Variants in MED12L observed in about 807,000 individuals in gnomAD.
MED12L encodes the protein mediator of RNA polymerase II transcription subunit 12-like protein.
MED12L carries 60 observed loss-of-function variants against 281.3 expected under a neutral mutation model. The ratio of observed to expected loss-of-function variants is 0.21; its 90% confidence interval spans 0.17 to 0.26. The LOEUF is 0.26. Among genes scored for constraint, MED12L ranks in the 10% least tolerant of loss-of-function variants. The pLI, the probability that MED12L is intolerant of heterozygous loss-of-function variation, is 1.00. For synonymous variants in MED12L, 974 were observed against 987.2 expected (o/e 0.99, Z 0.25); for missense variants, 2,146 against 2,680.9 (o/e 0.80, Z 4.41).
rs927370539 is a variant in MED12L at position 151,382,838 on chromosome 3, A to C, written c.4680+93A>C. The C allele has an allele frequency of 4.1e-6, 4 of 967,372 alleles. No individual in the cohort carries two copies. The African/African-American group carries it at 6.6e-5, about 16-fold the overall frequency. 59.9% of individuals were successfully genotyped at this position (967,372 alleles called of 1,614,324 possible). On this transcript the variant is annotated intron_variant, in intron 33 of 44. Coordinates refer to ENST00000687756, the MANE Select transcript of MED12L (RefSeq NM_001393769.1). ...CACTTCTCCTAAGTGCAAAGTCTGC[A>C]TTACAAGGTGAGGCCTTCCACTCTT...
rs965664991 is a variant in MED12L at position 151,416,500 on chromosome 3, T to A, written c.6408+78T>A. ...GTTGCATTGTTCATGTTCATAAGAT[T>A]GTTAAGAATCGACAAAGCCTAAGTA... On this transcript the variant is annotated intron_variant, in intron 43 of 44. Coordinates refer to ENST00000687756, the MANE Select transcript of MED12L (RefSeq NM_001393769.1). The A allele has an allele frequency of 9.4e-6, 14 of 1,489,766 alleles. No homozygotes were observed. The African/African-American group carries it at 1.4e-4, about 15-fold the overall frequency. The allele number at this position is 1,489,766 out of a possible 1,614,324, so 92.3% of individuals were successfully genotyped here. A position where few individuals can be genotyped will look rare whatever the true frequency, so the allele number is the denominator to read the frequency against.
intron 16 of MED12L, among the ~76,000 whole-genome samples, chr3:151,223,114 A>T (rs969886799): frequency 6.7e-6 from 1 of 150,298 alleles, no homozygotes; most frequent in Admixed American, 6.7e-5. Flanking sequence ...AGTATGGAAC[A>T]TGTGCTGGTT....
chr3:151,374,540 T>A (rs1044161666), intron 27 of MED12L, among the ~76,000 whole-genome samples: 16 of 147,306 alleles, frequency 1.1e-4, no homozygotes, highest in African/African-American at 3.9e-4. Context: ...AGAGCAAGAC[T>A]CTGTCTCAAA....
In MED12L at chr3:151,365,175, A is replaced by C. The variant is rs751931026; in HGVS notation, c.3154A>C (p.Asn1052His). 1.2e-6 allele frequency: 2 copies of C among 1,614,020 alleles called. No individual in the cohort carries two copies. The highest frequency in any genetic ancestry group is 2.2e-5 in the South Asian group (2 of 91,080). ...CAGCTTTGTCTGCAATACACTCATG[A>C]ATGTATGTATGGGCCATCAGGATGC... Reference protein sequence around the residue: ...RYSFVCNTLMNVCMGHQDAGR... With the variant: ...RYSFVCNTLMHVCMGHQDAGR... The change falls in exon 22 of 45, where the codon AAT (asparagine) becomes CAT (histidine). Residue 1052 changes from asparagine (N) to histidine (H), a missense_variant. Around this residue, in one of 9 missense-constraint regions of MED12L, gnomAD observed 404 missense variants for 603.5 expected, o/e 0.67. Coordinates refer to ENST00000687756, the MANE Select transcript of MED12L (RefSeq NM_001393769.1).
chr3:151,261,357 G>A (rs1441648272), intron 16 of MED12L: 2 of 152,098 alleles, frequency 1.3e-5, no homozygotes, highest in Non-Finnish European at 2.9e-5. Context: ...AATATTTGCA[G>A]GATTGAACTG....
intron 12 of MED12L, among the ~76,000 whole-genome samples, chr3:151,186,552 C>G (rs761298011): frequency 6.6e-6 from 1 of 152,148 alleles, no homozygotes; most frequent in African/African-American, 2.4e-5. Context: ...CACCTTGAGG[C>G]CTCTGCTCTT....
rs1360760734 is a variant in MED12L at position 151,433,469 on chromosome 3, GTTTC to G, written c.*669_*672del. The G allele has an allele frequency of 2.0e-5, 3 of 152,592 alleles. No homozygotes were observed. The highest frequency in any genetic ancestry group is 4.4e-5 in the Non-Finnish European group (3 of 68,034). 9.5% of individuals were successfully genotyped at this position (152,592 alleles called of 1,614,324 possible). A position where few individuals can be genotyped will look rare whatever the true frequency, so the allele number is the denominator to read the frequency against. ...TCTTAAACCAAGAACCTAAACCAAG[GTTTC>G]TTTGAGAGCCGCCCTAAGATGTGCG... On this transcript the variant is annotated 3_prime_UTR_variant, in exon 45 of 45. Coordinates refer to ENST00000687756, the MANE Select transcript of MED12L (RefSeq NM_001393769.1).
intron 16 of MED12L, among the ~76,000 whole-genome samples, chr3:151,258,602 C>T (rs140148090): frequency 3.3e-5 from 5 of 152,164 alleles, no homozygotes; most frequent in African/African-American, 1.2e-4. Context: ...TACCTTTGTT[C>T]ACTTTAGATC....
intron 21 of MED12L, among the ~76,000 whole-genome samples, chr3:151,363,105 G>T (rs115930208): frequency 0.023 from 3,424 of 152,170 alleles, 129 homozygotes; most frequent in African/African-American, 0.078. Context: ...GGCGTGGGGT[G>T]TGTGGAAATT....
chr3:151,211,633 T>C (rs1162612514), intron 16 of MED12L, among the ~76,000 whole-genome samples: 1 of 152,164 alleles, frequency 6.6e-6, no homozygotes, highest in Non-Finnish European at 1.5e-5. Context: ...GATGAGGTTA[T>C]AGGACATATG....
intron 26 of MED12L, among the ~76,000 whole-genome samples, chr3:151,371,234 A>G (rs1042663389): frequency 1.3e-5 from 2 of 152,188 alleles, no homozygotes; most frequent in Non-Finnish European, 2.9e-5. Flanking sequence ...CCTATCCACC[A>G]GGATATATTT....
At chr3:151,294,469 A>G in intron 16 of MED12L, 1 of 1,614,220 alleles carries the variant, frequency 6.2e-7, no homozygotes, top group African/African-American at 1.3e-5. Context: ...TAAAAAACAC[A>G]GCCACAACAA....
Position 151,377,112 on chromosome 3 carries a change from A to G in MED12L, c.4250A>G (p.Asn1417Ser). The change falls in exon 30 of 45, where the codon AAC becomes AGC. Residue 1417 changes from asparagine (N) to serine (S), a missense_variant. Transcript: ENST00000687756. ...NSSNSGMSLFNPNSIGSADTS... is the reference protein window; with the variant it reads ...NSSNSGMSLFSPNSIGSADTS... Reference sequence around the variant, plus strand: ...TCTAATTCTGGCATGAGCCTCTTCAACCCAAACAGTATTGGAAGTGCTGAT... The same window carrying G: ...TCTAATTCTGGCATGAGCCTCTTCAGCCCAAACAGTATTGGAAGTGCTGAT... The G allele has an allele frequency of 1.2e-6, 2 of 1,614,120 alleles. No individual in the cohort carries two copies. Among genetic ancestry groups the G allele is most frequent in the Non-Finnish European group, 1.7e-6 (2 of 1,179,966 alleles).
At position 151,433,655 on chromosome 3, in the gene MED12L, A is replaced by T. The variant is rs2108501692; in HGVS notation, c.*851A>T. ...GCCAGTTTTGGTTCTCCTGAACCTT[A>T]TGCCACCTTAAGGGGAAAAAAAAAT... On this transcript the variant is annotated 3_prime_UTR_variant, in exon 45 of 45. Transcript: ENST00000687756. The T allele has an allele frequency of 6.6e-6, 1 of 152,660 alleles. No individual in the cohort carries two copies. The highest frequency in any genetic ancestry group is 1.9e-4 in the East Asian group (1 of 5,192). The allele number at this position is 152,660 out of a possible 1,614,324, so 9.5% of individuals were successfully genotyped here. A position where few individuals can be genotyped will look rare whatever the true frequency, so the allele number is the denominator to read the frequency against.
At chr3:151,352,651 G>T (rs1014518871) in intron 17 of MED12L, among the ~76,000 whole-genome samples, 1 of 152,100 alleles carries the variant, frequency 6.6e-6, no homozygotes, top group Non-Finnish European at 1.5e-5. Context: ...AACTCATTTA[G>T]GAGTGTTGTC....
chr3:151,411,209 A>G (rs371473845), intron 40 of MED12L, 69 bp from the exon 41 acceptor site: 9 of 1,374,124 alleles, frequency 6.5e-6, no homozygotes, highest in South Asian at 2.4e-5. Context: ...TTTGCCCCAT[A>G]TATCGTAGTG....
At chr3:151,108,304 T>G (rs905597843) in intron 2 of MED12L, among the ~76,000 whole-genome samples, 1 of 152,148 alleles carries the variant, frequency 6.6e-6, no homozygotes, top group Non-Finnish European at 1.5e-5. Context: ...AGGGGAGATA[T>G]GTTTTGAGAG....
chr3:151,105,937 C>T (rs1256761304), intron 2 of MED12L, among the ~76,000 whole-genome samples: 1 of 152,222 alleles, frequency 6.6e-6, no homozygotes, highest in Non-Finnish European at 1.5e-5. Context: ...TCTAGGACAT[C>T]GTTGACAACC....
In MED12L at chr3:151,085,665, T is replaced by G. The variant is rs566672234; in HGVS notation, c.-401T>G. The G allele has an allele frequency of 6.6e-6, 1 of 151,884 alleles. No homozygotes were observed. Among genetic ancestry groups the G allele is most frequent in the African/African-American group, 2.4e-5 (1 of 41,376 alleles). 9.4% of individuals were successfully genotyped at this position (151,884 alleles called of 1,614,324 possible). A position where few individuals can be genotyped will look rare whatever the true frequency, so the allele number is the denominator to read the frequency against. ...CGCGGTCCGGCCGCCGAGCTGGGCA[T>G]GCTCAGTGCGGACGCCGCGCCGCCG... On this transcript the variant is annotated 5_prime_UTR_variant, in exon 1 of 45. An upstream start codon of the reference 5' UTR is lost. Transcript: ENST00000687756.
Sources: gnomAD v4.1 joint callset for allele counts (sites outside exome capture counted in the v4.1 genomes callset) on GRCh38, gnomAD v4.1.1 for gene constraint, gnomAD v4.1.1 regional missense constraint, MANE v1.5 for transcripts, NCBI Gene and HGNC (gene_info 2026-07-23, HGNC 2026-07-21) for gene names.